Variants in OCA2 observed in about 807,000 individuals in gnomAD.
The protein encoded by OCA2 is OCA2 melanosomal transmembrane protein.
In OCA2, 77 loss-of-function variants were observed where a neutral mutation model predicts 100.2. The ratio of observed to expected loss-of-function variants is 0.77; its 90% CI spans 0.64 to 0.93. The LOEUF (loss-of-function observed/expected upper bound fraction) is 0.93. OCA2 is among the 40% of genes least tolerant of loss of function. The pLI is 0.00. For synonymous variants in OCA2, 432 were observed against 439.2 expected, an observed-to-expected ratio of 0.98 and a Z score of 0.21; for missense variants, 1,062 against 1,089.1, an observed-to-expected ratio of 0.98 and a Z score of 0.35.
At position 28,075,319 on chromosome 15, in the gene OCA2, A is replaced by G. The variant is rs184963750; in HGVS notation, c.227+6329T>C. ...GAATATATAATGAATCACAAACCCC[A>G]TAATAGGAAAACAAGCAGACCTCAC... is the stretch of plus-strand genomic sequence containing the variant. On this transcript the variant is annotated intron_variant, in intron 2 of 23. Transcript: ENST00000354638. 1.6e-3 allele frequency among the ~76,000 whole-genome samples: 243 copies of G among 152,356 alleles called. 1 individual carries two copies. Among genetic ancestry groups the G allele is most frequent in the Non-Finnish European group, 1.2e-3 (81 of 68,038 alleles).
chr15:27,762,868 G>C (rs1478004932), intron 23 of OCA2, among the ~76,000 whole-genome samples: 1 of 152,188 alleles, frequency 6.6e-6, no homozygotes, highest in Non-Finnish European at 1.5e-5. Flanking sequence ...CTGTTATTAA[G>C]CTCCTGCTTA....
chr15:27,763,238 C>T (rs1475229101), intron 23 of OCA2, among the ~76,000 whole-genome samples: 1 of 151,944 alleles, frequency 6.6e-6, no homozygotes, highest in Non-Finnish European at 1.5e-5. Context: ...AGGCATGACA[C>T]CAAAAGTATG....
intron 23 of OCA2, among the ~76,000 whole-genome samples, chr15:27,761,648 C>T (rs943670245): frequency 2.6e-5 from 4 of 152,110 alleles, no homozygotes; most frequent in African/African-American, 9.7e-5. Context: ...GGCACAGGCT[C>T]TAGAATAGCA....
intron 23 of OCA2, among the ~76,000 whole-genome samples, chr15:27,768,101 G>A (rs886531930): frequency 6.6e-6 from 1 of 152,154 alleles, no homozygotes; most frequent in Non-Finnish European, 1.5e-5. Flanking sequence ...AGGGAGGGCC[G>A]GCCCAGGATG....
intron 16 of OCA2, among the ~76,000 whole-genome samples, chr15:27,955,855 T>C (rs7176632): frequency 0.79 from 119,565 of 151,856 alleles, 47,651 homozygotes; most frequent in East Asian, 1. Flanking sequence ...CCCACTTGCC[T>C]CTTCTTTTTC....
chr15:28,011,085 A>T (rs1394774399), intron 9 of OCA2, among the ~76,000 whole-genome samples: 1 of 152,208 alleles, frequency 6.6e-6, no homozygotes, highest in African/African-American at 2.4e-5. Flanking sequence ...GAGGAGGGGT[A>T]GTCTTGTCGA....
At chr15:27,913,306 G>A (rs1031965459) in intron 19 of OCA2, among the ~76,000 whole-genome samples, 14 of 151,366 alleles carry the variant, frequency 9.2e-5, no homozygotes, top group African/African-American at 3.2e-4. Context: ...ACTTTTTTAC[G>A]ATATTTATGT....
intron 15 of OCA2, among the ~76,000 whole-genome samples, chr15:27,965,521 T>G (rs917925334): frequency 3.9e-5 from 6 of 152,174 alleles, no homozygotes; most frequent in Non-Finnish European, 5.9e-5. Flanking sequence ...TCTTGGACAG[T>G]CAGCATCGGA....
At chr15:27,736,624 A>C in the OCA2 span, among the ~76,000 whole-genome samples, 1 of 152,268 alleles carries the variant, frequency 6.6e-6, no homozygotes, top group Non-Finnish European at 1.5e-5. Flanking sequence ...AAATCCCATT[A>C]GTATGTTTAC....
intron 23 of OCA2, among the ~76,000 whole-genome samples, chr15:27,824,630 A>G (rs1356590565): frequency 7.6e-6 from 1 of 131,326 alleles, no homozygotes; most frequent in Non-Finnish European, 1.6e-5. Flanking sequence ...ATAATATAAT[A>G]TATATATGTA....
At chr15:28,099,200 G>A (rs2045040210) in intron 1 of OCA2, 24 bp downstream of exon 1, 1 of 152,850 alleles carries the variant, frequency 6.5e-6, no homozygotes, top group African/African-American at 2.4e-5. Flanking sequence ...CCTTCCTCCC[G>A]ACCGCGGAGC....
chr15:28,001,979 C>T (rs1252005741), intron 9 of OCA2, among the ~76,000 whole-genome samples: 1 of 152,182 alleles, frequency 6.6e-6, no homozygotes, highest in African/African-American at 2.4e-5. Flanking sequence ...ACCATAAGTA[C>T]AACAGAGTGG....
the OCA2 span, among the ~76,000 whole-genome samples, chr15:27,733,329 T>G: frequency 2.7e-4 from 41 of 152,334 alleles, no homozygotes; most frequent in African/African-American, 9.4e-4. Context: ...ACCGCCCCTG[T>G]GGTCTTCAGG....
chr15:27,994,290 G>A (rs1566771973), intron 9 of OCA2, among the ~76,000 whole-genome samples: 2 of 152,136 alleles, frequency 1.3e-5, no homozygotes, highest in East Asian at 1.9e-4. Flanking sequence ...ACTAATGCCC[G>A]ATGATCTGAG....
At position 27,927,692 on chromosome 15, in the gene OCA2, C is replaced by T. The variant is rs555594116; in HGVS notation, c.1952-1438G>A. Among the ~76,000 whole-genome samples, 9 of 152,116 alleles carry T rather than the reference C, an allele frequency of 5.9e-5. 1 individual carries two copies. The highest frequency in any genetic ancestry group is 5.9e-4 in the Admixed American group (9 of 15,270). ...CACATCTTCACCAACATTTGATCAG[C>T]CTTTCTGATTTTAGACATTCCAATG... On this transcript the variant is annotated intron_variant, in intron 18 of 23. Transcript: ENST00000354638.
At position 28,099,282 on chromosome 15, in the gene OCA2, A is replaced by G. The variant is rs1390854653; in HGVS notation, c.-80T>C. On this transcript the variant is annotated 5_prime_UTR_variant, in exon 1 of 24. Transcript: ENST00000354638. Reference sequence around the variant, plus strand: ...TTTAAGGTCCGCACCTCCGCTCTGGATGGTGAGCGGAGCACAGCCTTCGAA... The same window carrying G: ...TTTAAGGTCCGCACCTCCGCTCTGGGTGGTGAGCGGAGCACAGCCTTCGAA... 4.6e-5 allele frequency: 7 copies of G among 152,246 alleles called. No homozygotes were observed. The highest frequency in any genetic ancestry group is 4.6e-4 in the Admixed American group (7 of 15,288). 9.4% of individuals were successfully genotyped at this position (152,246 alleles called of 1,614,324 possible).
intron 23 of OCA2, among the ~76,000 whole-genome samples, chr15:27,772,831 A>C (rs2031964535): frequency 7.7e-6 from 1 of 129,068 alleles, no homozygotes. Flanking sequence ...ACAGAGGGAG[A>C]CTCTATCTCA....
chr15:27,826,573 ACT>A (rs1193454983), intron 23 of OCA2, among the ~76,000 whole-genome samples: 1 of 151,984 alleles, frequency 6.6e-6, no homozygotes, highest in Non-Finnish European at 1.5e-5. Context: ...GCATGTGGTG[ACT>A]CTTAGCACAC....
At chr15:27,770,730 C>CTCCCTCCCTTCATTCCTCCT (rs1566948449) in intron 23 of OCA2, among the ~76,000 whole-genome samples, 1 of 81,866 alleles carries the variant, frequency 1.2e-5, no homozygotes, top group African/African-American at 3.4e-5. Flanking sequence ...TCTTACTTCC[C>CTCCCTCCCTTCATTCCTCCT]TCCCTTCCTC....
Sources: gnomAD v4.1 joint callset for allele counts (sites outside exome capture counted in the v4.1 genomes callset) on GRCh38, gnomAD v4.1.1 for gene constraint, MANE v1.5 for transcripts, NCBI Gene and HGNC (gene_info 2026-07-23, HGNC 2026-07-21) for gene names.